The following MYLK variants were observed in gnomAD, a reference collection of about 807,000 sequenced individuals.
MYLK encodes myosin light chain kinase, also known as myosin light chain kinase, smooth muscle.
In MYLK, 106 loss-of-function variants were observed where a neutral mutation model predicts 203.4. The ratio of observed to expected loss-of-function variants is 0.52; its 90% confidence interval spans 0.45 to 0.61. The LOEUF is 0.61. Ranked by LOEUF, MYLK falls within the 20% of genes least tolerant of loss-of-function variation. The pLI is 0.00. For missense variants in MYLK, 2,072 were observed against 2,442.3 expected (o/e 0.85, Z 3.20); for synonymous variants, 867 against 959.5 (o/e 0.90, Z 1.78).
rs1577103973 is a variant in MYLK, at chr3:123,840,163, A to C, written c.-126-8493T>G. ...ACTAGAAAAAGAACAAATTAAAACCAAATTTCTCAGAAAGAAGGAAATAAT... is the reference window on the plus strand; with the variant it reads ...ACTAGAAAAAGAACAAATTAAAACCCAATTTCTCAGAAAGAAGGAAATAAT... On this transcript the variant is annotated intron_variant, in intron 2 of 33. Transcript: ENST00000360304. 3.9e-5 allele frequency among the ~76,000 whole-genome samples: 6 copies of C among 152,184 alleles called. No homozygotes were observed. The South Asian group carries it at 1.2e-3, about 32-fold the overall frequency.
At chr3:123,872,808 G>A (rs576977281) in intron 2 of MYLK, among the ~76,000 whole-genome samples, 3 of 152,212 alleles carry the variant, frequency 2.0e-5, no homozygotes, top group South Asian at 2.1e-4. Context: ...TGGAGGTTCC[G>A]TTACATAGGA....
In MYLK at chr3:123,618,507, T is replaced by C. The variant is rs926166378; in HGVS notation, c.5500+132A>G. 5.5e-6 allele frequency: 7 copies of C among 1,265,140 alleles called. No homozygotes were observed. In the African/African-American group the frequency reaches 7.3e-5, roughly 13 times the overall value. The allele number at this position is 1,265,140 out of a possible 1,614,324, so 78.4% of individuals were successfully genotyped here. On this transcript the variant is annotated intron_variant, in intron 33 of 33. Coordinates refer to ENST00000360304, the MANE Select transcript of MYLK (RefSeq NM_053025.4). Reference sequence around the variant, plus strand: ...ATGAGCAGCTCCTGCTGACCCAGTTTCCCCCAAAGCTTGGCAGTTCCTCAT... The same window carrying C: ...ATGAGCAGCTCCTGCTGACCCAGTTCCCCCCAAAGCTTGGCAGTTCCTCAT...
At chr3:123,619,717 G>T (rs1474415782) in intron 32 of MYLK, among the ~76,000 whole-genome samples, 1 of 152,154 alleles carries the variant, frequency 6.6e-6, no homozygotes, top group Non-Finnish European at 1.5e-5. Flanking sequence ...CAGTTCAAAT[G>T]ACACGATTCA....
chr3:123,673,455 C>A (rs966895252), intron 20 of MYLK, among the ~76,000 whole-genome samples: 1 of 152,054 alleles, frequency 6.6e-6, no homozygotes, highest in Non-Finnish European at 1.5e-5. Flanking sequence ...CACTCCCCCG[C>A]TCTCTGAAAC....
chr3:123,750,651 C>T (rs2063164505), intron 5 of MYLK, among the ~76,000 whole-genome samples: 1 of 152,216 alleles, frequency 6.6e-6, no homozygotes, highest in African/African-American at 2.4e-5. Context: ...TTGGCACAAA[C>T]TCATAACTCA....
rs993019986 is a variant in MYLK at position 123,884,004 on chromosome 3, A to G, written c.-186+202T>C. 7.9e-5 allele frequency among the ~76,000 whole-genome samples: 12 copies of G among 152,100 alleles called. No homozygotes were observed. The South Asian group carries it at 2.5e-3, about 32-fold the overall frequency. ...TGTCCCCAAGCACTTCATCTCCCCA[A>G]AAGAAAACTCGTGCAGCCTGGCGTC... On this transcript the variant is annotated intron_variant, in intron 1 of 33. Transcript: ENST00000360304.
Position 123,611,555 on chromosome 3 carries a change from G to A in MYLK, c.*2550C>T, listed in dbSNP as rs376862563. On this transcript the variant is annotated 3_prime_UTR_variant, in exon 34 of 34. Coordinates refer to ENST00000360304, the MANE Select transcript of MYLK (RefSeq NM_053025.4). The stretch of plus-strand genomic sequence containing the variant: ...GGTCCCTAACCTTTTTGGCACCAGG[G>A]ACCACTTTCATGGAAGACAGTTTTT... The A allele has an allele frequency of 1.3e-5, 2 of 152,258 alleles. No individual in the cohort carries two copies. The highest frequency in any genetic ancestry group is 4.8e-5 in the African/African-American group (2 of 41,540). The allele number at this position is 152,258 out of a possible 1,614,324, so 9.4% of individuals were successfully genotyped here. A position where few individuals can be genotyped will look rare whatever the true frequency, so the allele number is the denominator to read the frequency against.
intron 4 of MYLK, among the ~76,000 whole-genome samples, chr3:123,753,496 G>A (rs2063268611): frequency 7.1e-6 from 1 of 140,252 alleles, no homozygotes; most frequent in Non-Finnish European, 1.5e-5. Context: ...TTTTTTTTGA[G>A]ATGGAGTCTT....
At chr3:123,732,490 A>G (rs1187105315) in intron 11 of MYLK, among the ~76,000 whole-genome samples, 6 of 152,260 alleles carry the variant, frequency 3.9e-5, no homozygotes, top group Non-Finnish European at 8.8e-5. Flanking sequence ...AACATGCATT[A>G]CTTTTATAAA....
At chr3:123,689,322 G>C (rs2060574269) in intron 19 of MYLK, among the ~76,000 whole-genome samples, 4 of 152,148 alleles carry the variant, frequency 2.6e-5, no homozygotes, top group Admixed American at 2.0e-4. Context: ...GTTGGAATGA[G>C]AGGAAAGGGG....
intron 14 of MYLK, 78 bp from the exon 15 acceptor site, chr3:123,708,973 T>C (rs2061573571): frequency 1.6e-6 from 2 of 1,225,480 alleles, no homozygotes; most frequent in East Asian, 2.4e-5. Flanking sequence ...CTGAATGCAG[T>C]GATATTGGAT....
At chr3:123,808,591 C>T (rs116408296) in intron 3 of MYLK, among the ~76,000 whole-genome samples, 1,734 of 152,286 alleles carry the variant, frequency 0.011, 30 homozygotes, top group African/African-American at 0.039. Flanking sequence ...GCCCCTAACC[C>T]TAGAATACAT....
intron 10 of MYLK, 22 bp downstream of exon 10, chr3:123,733,665 G>T: frequency 1.2e-6 from 2 of 1,613,108 alleles, no homozygotes; most frequent in South Asian, 1.1e-5. Flanking sequence ...GGCAATCGGT[G>T]ACCCTAATTA....
At chr3:123,635,611 C>T (rs927042109) in intron 29 of MYLK, among the ~76,000 whole-genome samples, 1 of 152,230 alleles carries the variant, frequency 6.6e-6, no homozygotes, top group Non-Finnish European at 1.5e-5. Flanking sequence ...ATTTCCAAAA[C>T]TCTGCCCTAG....
rs767798256 is a variant in MYLK, at chr3:123,664,157, C to T, written c.3933G>A (p.Leu1311=). ...GCCTGCTGCCCAGCTTGTTCTCCAC[C>T]AGCAGTGTGTAGCAGCCGCAGTGCT... ...RQEHCGCYTL[L]VENKLGSRQA... is the part of the protein sequence containing the mutation. Residue 1311 remains leucine, a synonymous_variant, in exon 23 of 34, where the codon CTG becomes CTA. Coordinates refer to ENST00000360304, the MANE Select transcript of MYLK (RefSeq NM_053025.4). 2.5e-6 allele frequency: 4 copies of T among 1,614,006 alleles called. No homozygotes were observed. The African/African-American group carries it at 5.3e-5, about 22-fold the overall frequency.
At chr3:123,838,309 A>G (rs1196477078) in intron 2 of MYLK, among the ~76,000 whole-genome samples, 4 of 152,182 alleles carry the variant, frequency 2.6e-5, no homozygotes, top group Admixed American at 6.5e-5. Flanking sequence ...TCCTGAAAAT[A>G]TTTCTCAAAA....
At chr3:123,614,530 C>G (rs1278243496) in intron 33 of MYLK, among the ~76,000 whole-genome samples, 181 bp from the exon 34 acceptor site, 2 of 152,092 alleles carry the variant, frequency 1.3e-5, no homozygotes. Context: ...TTGTAAATAC[C>G]AATATCTGAA....
rs769291281 is a variant in MYLK, at chr3:123,612,529, C to T, written c.*1576G>A. 12 of 152,434 alleles carry T rather than the reference C, an allele frequency of 7.9e-5. No homozygotes were observed. Among genetic ancestry groups the T allele is most frequent in the African/African-American group, 1.7e-4 (7 of 41,368 alleles). 9.4% of individuals were successfully genotyped at this position (152,434 alleles called of 1,614,324 possible). On this transcript the variant is annotated 3_prime_UTR_variant, in exon 34 of 34. Transcript: ENST00000360304. ...AAGTGATAGAAAAAAGCTTTGAATG[C>T]GCTAAATCAAATAAAAACCCTTTAT...
chr3:123,713,166 G>A (rs1242732514), intron 13 of MYLK, among the ~76,000 whole-genome samples: 2 of 152,128 alleles, frequency 1.3e-5, no homozygotes, highest in Non-Finnish European at 2.9e-5. Flanking sequence ...CATTGCCCCC[G>A]GTCCTGTGTT....
Sources: allele counts gnomAD v4.1 joint callset (sites outside exome capture counted in the v4.1 genomes callset), GRCh38; gene constraint gnomAD v4.1.1; transcripts MANE v1.5; gene names NCBI Gene and HGNC (gene_info 2026-07-23, HGNC 2026-07-21).